PCNT: variants seen among roughly 807,000 people sequenced by gnomAD.
PCNT encodes the protein pericentrin.
Under a neutral mutation model 380.4 loss-of-function variants are expected in PCNT, and 319 were observed. The observed-to-expected ratio is 0.84, with a 90% CI of 0.77 to 0.92. PCNT has a LOEUF of 0.92. Among genes scored for constraint, PCNT ranks in the 40% least tolerant of loss-of-function variants. The probability of loss-of-function intolerance (pLI) is 0.00; values close to 1 mark genes in which losing one functional copy is unlikely to be tolerated. For synonymous variants in PCNT, 1,845 were observed against 1,735.2 expected, an observed-to-expected ratio of 1.06 and a Z score of -1.57; for missense variants, 4,400 against 4,255.3, an observed-to-expected ratio of 1.03 and a Z score of -0.95.
At chr21:46,326,116 A>G (rs1714298144) in intron 1 of PCNT, among the ~76,000 whole-genome samples, 1 of 152,208 alleles carries the variant, frequency 6.6e-6, no homozygotes, top group Non-Finnish European at 1.5e-5. Context: ...GTAAACTGCC[A>G]AGGGCTAGGA....
intron 17 of PCNT, 97 bp downstream of exon 17, chr21:46,386,080 T>A: frequency 2.1e-6 from 3 of 1,452,862 alleles, no homozygotes; most frequent in Non-Finnish European, 2.9e-6. Flanking sequence ...GCCCCGTGGC[T>A]GCTGCCACCA....
At chr21:46,432,946 T>C (rs1456543318) in intron 38 of PCNT, among the ~76,000 whole-genome samples, 3 of 152,262 alleles carry the variant, frequency 2.0e-5, no homozygotes. Context: ...CTTTAGTTTC[T>C]TTCAGTAGTG....
In PCNT at chr21:46,423,720, A is replaced by G. The variant is rs1317248142; in HGVS notation, c.7179+1596A>G. 5.1e-3 allele frequency among the ~76,000 whole-genome samples: 94 copies of G among 18,300 alleles called. 1 individual carries two copies. The highest frequency in any genetic ancestry group is 6.8e-3 in the Non-Finnish European group (63 of 9,298). 12.0% of individuals were successfully genotyped at this position (18,300 alleles called of 152,430 possible). A position where few individuals can be genotyped will look rare whatever the true frequency, so the allele number is the denominator to read the frequency against. ...GAGGAGGAGGGGGAGAGGAGGAGGA[A>G]GAGAAGGGGAGGGGGAGGGGAAGAG... On this transcript the variant is annotated intron_variant, in intron 32 of 46. Coordinates refer to ENST00000359568, the MANE Select transcript of PCNT (RefSeq NM_006031.6).
intron 37 of PCNT, 94 bp downstream of exon 37, chr21:46,430,751 C>G (rs1288498431): frequency 6.5e-7 from 1 of 1,542,496 alleles, no homozygotes; most frequent in Non-Finnish European, 8.7e-7. Flanking sequence ...TCCTGTTCTT[C>G]ATGGCAGTGC....
At chr21:46,359,801 T>C (rs1335116765) in intron 13 of PCNT, among the ~76,000 whole-genome samples, 3 of 152,038 alleles carry the variant, frequency 2.0e-5, no homozygotes, top group Non-Finnish European at 4.4e-5. Flanking sequence ...CTTTTATCAA[T>C]ACAGTCATTC....
At chr21:46,360,154 G>A (rs2084652939) in intron 13 of PCNT, among the ~76,000 whole-genome samples, 1 of 147,440 alleles carries the variant, frequency 6.8e-6, no homozygotes, top group Non-Finnish European at 1.5e-5. Flanking sequence ...ACTGCACCTG[G>A]CCTACTTTTA....
chr21:46,422,689 C>G (rs1313222979), intron 32 of PCNT, among the ~76,000 whole-genome samples: 1 of 152,186 alleles, frequency 6.6e-6, no homozygotes, highest in African/African-American at 2.4e-5. Flanking sequence ...GGAGCTTAGT[C>G]AAGTGGTAAA....
At chr21:46,339,360 C>T (rs960466155) in intron 3 of PCNT, among the ~76,000 whole-genome samples, 1 of 152,118 alleles carries the variant, frequency 6.6e-6, no homozygotes, top group South Asian at 2.1e-4. Flanking sequence ...CTTTGGTGTT[C>T]TGCAGTTTTG....
In PCNT at chr21:46,420,129, G is replaced by A. The variant is rs377695657; in HGVS notation, c.7024+1823G>A. Among the ~76,000 whole-genome samples, 484 of 151,774 alleles carry A rather than the reference G, an allele frequency of 3.2e-3. 3 individuals carry two copies. The highest frequency in any genetic ancestry group is 0.011 in the African/African-American group (452 of 41,392). On this transcript the variant is annotated intron_variant, in intron 31 of 46. Coordinates refer to ENST00000359568, the MANE Select transcript of PCNT (RefSeq NM_006031.6). ...AGGGGCCTGCGCGGTCAGGGTGTCC[G>A]CCGCCTCTGTGCCTGCGCCCTCCAG...
chr21:46,430,404 G>T (rs984713253), intron 36 of PCNT, 103 bp from the exon 37 acceptor site: 2 of 1,472,172 alleles, frequency 1.4e-6, no homozygotes, highest in East Asian at 2.5e-5. Flanking sequence ...TGAAGCACAC[G>T]TGTGGGACCT....
At chr21:46,360,708 C>CG (rs1177998855) in intron 13 of PCNT, among the ~76,000 whole-genome samples, 2 of 151,102 alleles carry the variant, frequency 1.3e-5, no homozygotes, top group Non-Finnish European at 3.0e-5. Context: ...TTAGTAGAGA[C>CG]GGGGTTTCAC....
intron 12 of PCNT, 57 bp from the exon 13 acceptor site, chr21:46,356,917 G>T: frequency 6.8e-7 from 1 of 1,474,314 alleles, no homozygotes; most frequent in Non-Finnish European, 9.5e-7. Flanking sequence ...GCGGACTGTG[G>T]GCTCCATCGA....
chr21:46,432,876 C>T (rs1026591585), intron 38 of PCNT, among the ~76,000 whole-genome samples: 1 of 152,328 alleles, frequency 6.6e-6, no homozygotes, highest in Non-Finnish European at 1.5e-5. Flanking sequence ...CCGCCTGGGC[C>T]TCTCAGACTG....
At chr21:46,436,245 C>T (rs1237597846) in intron 39 of PCNT, 97 bp downstream of exon 39, 4 of 1,414,026 alleles carry the variant, frequency 2.8e-6, no homozygotes, top group South Asian at 2.4e-5. Flanking sequence ...GTGTGAGGCC[C>T]CTGCTCCTTT....
chr21:46,398,828 T>C (rs1601958646), intron 24 of PCNT, among the ~76,000 whole-genome samples: 1 of 149,342 alleles, frequency 6.7e-6, no homozygotes, highest in African/African-American at 2.5e-5. Flanking sequence ...TTCTTTTTTT[T>C]TTTTTTTTTG....
At position 46,425,079 on chromosome 21, in the gene PCNT, G is replaced by T. The variant is rs184702215; in HGVS notation, c.7180-752G>T. Among the ~76,000 whole-genome samples the T allele has an allele frequency of 7.3e-4, 111 of 152,232 alleles. 1 individual carries two copies. Among genetic ancestry groups the T allele is most frequent in the Non-Finnish European group, 1.8e-4 (12 of 68,018 alleles). On this transcript the variant is annotated intron_variant, in intron 32 of 46. Transcript: ENST00000359568. This position sits in a 1 kb window ranked among gnomAD's most constrained non-coding sequence, Gnocchi z 4.2. ...TCTCTTCAGGTTTTTATGCAGACGT[G>T]TCCTGTGCTTGGGTGTGTGCTCATG...
Position 46,334,584 on chromosome 21 carries a change from C to G in PCNT, c.455C>G (p.Pro152Arg). The change falls in exon 3 of 47, where the codon CCA becomes CGA. Residue 152 changes from proline to arginine, a missense_variant. Coordinates refer to ENST00000359568, the MANE Select transcript of PCNT (RefSeq NM_006031.6). Reference protein sequence around the residue: ...QRGMFTVSDHPPEQHGMFTVS... With the variant: ...QRGMFTVSDHRPEQHGMFTVS... Reference sequence around the variant, plus strand: ...GGGATGTTCACAGTCAGTGACCACCCACCAGAACAGCATGGGATGTTCACA... The same window carrying G: ...GGGATGTTCACAGTCAGTGACCACCGACCAGAACAGCATGGGATGTTCACA... The G allele has an allele frequency of 6.4e-7, 1 of 1,573,236 alleles. No individual in the cohort carries two copies. Among genetic ancestry groups the G allele is most frequent in the Non-Finnish European group, 8.7e-7 (1 of 1,146,540 alleles).
chr21:46,399,994 T>C (rs1238232424), intron 25 of PCNT, among the ~76,000 whole-genome samples, 198 bp downstream of exon 25: 18 of 152,234 alleles, frequency 1.2e-4, no homozygotes. Flanking sequence ...TTCTGGAGAT[T>C]GTTGATTTTA....
rs1233362199 is a variant in PCNT, at chr21:46,401,671, G to C, written c.4912G>C (p.Glu1638Gln). 2 of 1,614,100 alleles carry C rather than the reference G, an allele frequency of 1.2e-6. No individual in the cohort carries two copies. The highest frequency in any genetic ancestry group is 1.7e-6 in the Non-Finnish European group (2 of 1,180,028). ...PPSGSPPEGP[E>Q]IQLEVTQRAL... ...TTCGGGCAGCCCTCCTGAGGGTCCA[G>C]AAATACAGTTAGAGGTGACACAGAG... Residue 1638 changes from glutamate (E) to glutamine (Q), a missense_variant, in exon 26 of 47, where the codon GAA (glutamate) becomes CAA (glutamine). Glu to Gln is a conservative substitution (Grantham distance 29). Coordinates refer to ENST00000359568, the MANE Select transcript of PCNT (RefSeq NM_006031.6).
Sources: allele counts gnomAD v4.1 joint callset (sites outside exome capture counted in the v4.1 genomes callset), GRCh38; gene constraint gnomAD v4.1.1; non-coding constraint Gnocchi (gnomAD v3.1); transcripts MANE v1.5; gene names NCBI Gene and HGNC (gene_info 2026-07-23, HGNC 2026-07-21).